DGKB: variants seen among roughly 807,000 people sequenced by gnomAD.
DGKB encodes 90 kDa diacylglycerol kinase.
DGKB carries 67 observed loss-of-function variants against 114.3 expected under a neutral mutation model. The ratio of observed to expected loss-of-function variants is 0.59; its 90% CI spans 0.48 to 0.72. The LOEUF (loss-of-function observed/expected upper bound fraction) is 0.72, where lower values mean the gene tolerates loss of function less well. Ranked by LOEUF, DGKB falls within the 30% of genes least tolerant of loss-of-function variation. The pLI is 0.00. For missense variants in DGKB, 907 were observed against 975.2 expected (o/e 0.93, Z 0.93); for synonymous variants, 398 against 323.1 (o/e 1.23, Z -2.49).
chr7:14,703,930 T>A lies in DGKB; in HGVS notation c.467-2200A>T, dbSNP rs571869718. The stretch of plus-strand genomic sequence containing the variant: ...TAAAAATGAACTTACTATTGTAATA[T>A]TACACTTACAGATAAACGTATTATT... On this transcript the variant is annotated intron_variant, in intron 6 of 25. Coordinates refer to ENST00000402815, the MANE Select transcript of DGKB (RefSeq NM_001350709.2). Among the ~76,000 whole-genome samples the A allele has an allele frequency of 2.0e-5, 3 of 152,178 alleles. No homozygotes were observed. In the East Asian group the frequency reaches 5.8e-4, roughly 29 times the overall value.
chr7:14,815,804 C>A lies in DGKB; in HGVS notation c.70+25390G>T, dbSNP rs576323835. Among the ~76,000 whole-genome samples the A allele has an allele frequency of 3.9e-5, 6 of 152,280 alleles. No individual in the cohort carries two copies. The South Asian group carries it at 1.2e-3, about 32-fold the overall frequency. On this transcript the variant is annotated intron_variant, in intron 2 of 25. Transcript: ENST00000402815. ...AAAGAGGTCATGAGGAGGTCACAGA[C>A]TGTGTACAATCGTGATAAGAACACA...
intron 1 of DGKB, among the ~76,000 whole-genome samples, chr7:14,914,342 G>C (rs775556932): frequency 3.9e-5 from 6 of 151,972 alleles, no homozygotes. Flanking sequence ...AAAACTACAC[G>C]CCCAAATACT....
chr7:14,921,025 T>C (rs1784488544), intron 1 of DGKB, among the ~76,000 whole-genome samples: 1 of 152,092 alleles, frequency 6.6e-6, no homozygotes, highest in African/African-American at 2.4e-5. Flanking sequence ...TTGTGAAGAG[T>C]TGGTGTACAG....
At chr7:14,480,337 C>A (rs1327168926) in intron 20 of DGKB, among the ~76,000 whole-genome samples, 2 of 152,062 alleles carry the variant, frequency 1.3e-5, no homozygotes, top group Non-Finnish European at 2.9e-5. Flanking sequence ...ACTAGCAGGT[C>A]TTTTCCTTGT....
intron 1 of DGKB, among the ~76,000 whole-genome samples, chr7:14,913,189 G>A (rs1049203365): frequency 2.0e-5 from 3 of 151,808 alleles, no homozygotes; most frequent in East Asian, 1.9e-4. Flanking sequence ...GATTGATGGC[G>A]ATGTGACCTT....
At chr7:14,206,102 A>C (rs754789379) in intron 23 of DGKB, among the ~76,000 whole-genome samples, 33 of 152,020 alleles carry the variant, frequency 2.2e-4, no homozygotes, top group Non-Finnish European at 4.4e-4. Flanking sequence ...GCTTTACTGA[A>C]ATGAGCTATA....
chr7:14,701,134 C>T (rs1323103116), intron 7 of DGKB, among the ~76,000 whole-genome samples: 1 of 151,962 alleles, frequency 6.6e-6, no homozygotes, highest in African/African-American at 2.4e-5. Context: ...TATAACTATA[C>T]AATGTAAAAT....
At chr7:14,430,366 A>G (rs1027214478) in intron 21 of DGKB, among the ~76,000 whole-genome samples, 10 of 152,154 alleles carry the variant, frequency 6.6e-5, no homozygotes, top group African/African-American at 4.8e-5. Flanking sequence ...TCATTAAAAT[A>G]TTTCACTGGC....
intron 1 of DGKB, among the ~76,000 whole-genome samples, chr7:14,886,015 A>G (rs1854996227): frequency 6.6e-6 from 1 of 151,954 alleles, no homozygotes; most frequent in Non-Finnish European, 1.5e-5. Context: ...AAAACCCTAT[A>G]CAAGAAAATT....
intron 1 of DGKB, among the ~76,000 whole-genome samples, chr7:14,915,266 T>A (rs1179967667): frequency 3.3e-5 from 5 of 152,108 alleles, no homozygotes; most frequent in African/African-American, 9.7e-5. Context: ...CCCACCCAGC[T>A]ACTTGGGAGG....
chr7:14,518,801 T>C (rs1789267898), intron 20 of DGKB, among the ~76,000 whole-genome samples: 2 of 152,054 alleles, frequency 1.3e-5, no homozygotes, highest in African/African-American at 4.8e-5. Flanking sequence ...TAGGAATTTA[T>C]AGGAATGTGG....
At chr7:14,162,416 TTTTATC>T (rs1784041081) in intron 25 of DGKB, among the ~76,000 whole-genome samples, 1 of 152,322 alleles carries the variant, frequency 6.6e-6, no homozygotes, top group South Asian at 2.1e-4. Context: ...GTACATACAG[TTTTATC>T]ATTTTTATCA....
At chr7:14,502,392 A>G (rs1786336369) in intron 20 of DGKB, among the ~76,000 whole-genome samples, 1 of 151,992 alleles carries the variant, frequency 6.6e-6, no homozygotes. Flanking sequence ...AATCAAAGAA[A>G]AAAACATCCA....
intron 21 of DGKB, among the ~76,000 whole-genome samples, chr7:14,414,891 T>C (rs1296096980): frequency 3.9e-5 from 6 of 152,112 alleles, no homozygotes; most frequent in Admixed American, 1.3e-4. Flanking sequence ...TAAAATTTTA[T>C]CTGTTGTGAA....
chr7:14,657,802 T>A (rs1355502691), intron 13 of DGKB, among the ~76,000 whole-genome samples: 2 of 151,922 alleles, frequency 1.3e-5, no homozygotes, highest in African/African-American at 4.8e-5. Flanking sequence ...AAGATTTGAA[T>A]ATCTCCCACC....
At chr7:14,726,026 A>G (rs188634513) in intron 5 of DGKB, among the ~76,000 whole-genome samples, 7 of 152,350 alleles carry the variant, frequency 4.6e-5, no homozygotes, top group East Asian at 1.9e-4. Flanking sequence ...AATAAAATAC[A>G]TACACATATT....
chr7:14,250,914 C>T (rs1203761465), intron 23 of DGKB, among the ~76,000 whole-genome samples: 6 of 152,290 alleles, frequency 3.9e-5, no homozygotes, highest in African/African-American at 1.4e-4. Flanking sequence ...CAGGTTTGGA[C>T]TTAAAATCTA....
At chr7:14,315,812 C>G (rs1232338742) in intron 23 of DGKB, among the ~76,000 whole-genome samples, 1 of 151,440 alleles carries the variant, frequency 6.6e-6, no homozygotes, top group Non-Finnish European at 1.5e-5. Context: ...GTCTCCACCC[C>G]AAATCAACAG....
intron 1 of DGKB, among the ~76,000 whole-genome samples, chr7:14,958,032 T>A (rs1786612433): frequency 6.6e-6 from 1 of 152,210 alleles, no homozygotes; most frequent in Non-Finnish European, 1.5e-5. Flanking sequence ...GGGTAGAATC[T>A]GTTATATCTT....
Sources: gnomAD v4.1 joint callset for allele counts (sites outside exome capture counted in the v4.1 genomes callset) on GRCh38, gnomAD v4.1.1 for gene constraint, MANE v1.5 for transcripts, NCBI Gene and HGNC (gene_info 2026-07-23, HGNC 2026-07-21) for gene names.